ZSCAN25: variants seen among roughly 807,000 people sequenced by gnomAD.
ZSCAN25 encodes zinc finger and SCAN domain-containing protein 25.
In ZSCAN25, 27 loss-of-function variants were observed where a neutral mutation model predicts 38.7. The ratio of observed to expected loss-of-function variants is 0.70; its 90% CI spans 0.51 to 0.96. The LOEUF (loss-of-function observed/expected upper bound fraction) is 0.96. Among genes scored for constraint, ZSCAN25 ranks in the 40% least tolerant of loss-of-function variants. ZSCAN25 has a pLI of 0.00. For synonymous variants in ZSCAN25, 273 were observed against 277.7 expected (o/e 0.98, Z 0.17); for missense variants, 637 against 705.9 (o/e 0.90, Z 1.11).
chr7:99,696,967 C>T, the ZSCAN25 span, among the ~76,000 whole-genome samples: 1 of 152,188 alleles, frequency 6.6e-6, no homozygotes, highest in African/African-American at 2.4e-5. Flanking sequence ...TCTCCTTCAC[C>T]CTCTGCCATG....
At chr7:99,654,770 C>T in the ZSCAN25 span, among the ~76,000 whole-genome samples, 1 of 152,326 alleles carries the variant, frequency 6.6e-6, no homozygotes, top group East Asian at 1.9e-4. Flanking sequence ...TTAATGATCG[C>T]CATTCTAACT....
At chr7:99,705,484 G>A in the ZSCAN25 span, 3 of 1,612,790 alleles carry the variant, frequency 1.9e-6, no homozygotes, top group East Asian at 4.5e-5. Context: ...GAGCAAACCA[G>A]AAGTCCTTAG....
In ZSCAN25 at chr7:99,629,470, A is replaced by C; in HGVS notation, c.1085A>C (p.Asn362Thr). ...GGGAAAGGATTCAGTCGGAGCTCCA[A>C]TCTCGTCAGGCACCAGCGAACCCAC... ...ECGKGFSRSS[N>T]LVRHQRTHEE... The change falls in exon 8 of 8, where the codon AAT becomes ACT. Residue 362 changes from asparagine to threonine, a missense_variant. By Grantham distance (65) the Asn-to-Thr change is moderately conservative (BLOSUM62 0). Coordinates refer to ENST00000394152, the MANE Select transcript of ZSCAN25 (RefSeq NM_145115.3). The surrounding 1 kb of genome is among the most constrained non-coding windows in gnomAD (Gnocchi z 5.6). The C allele has an allele frequency of 6.2e-7, 1 of 1,614,164 alleles. No individual in the cohort carries two copies. The highest frequency in any genetic ancestry group is 8.5e-7 in the Non-Finnish European group (1 of 1,180,018).
chr7:99,708,904 G>T, the ZSCAN25 span: 2 of 1,086,692 alleles, frequency 1.8e-6, no homozygotes, highest in South Asian at 1.4e-5. Flanking sequence ...TCAATTTCAT[G>T]ATTTGAAAAA....
chr7:99,689,436 C>T, the ZSCAN25 span, among the ~76,000 whole-genome samples: 39 of 152,056 alleles, frequency 2.6e-4, no homozygotes, highest in African/African-American at 8.9e-4. Flanking sequence ...ATAAATTCCT[C>T]GACACATACA....
At chr7:99,660,972 G>A in the ZSCAN25 span, among the ~76,000 whole-genome samples, 1 of 152,186 alleles carries the variant, frequency 6.6e-6, no homozygotes, top group East Asian at 1.9e-4. Flanking sequence ...TGTTATGGGT[G>A]TGTGCCTTGA....
At chr7:99,647,578 A>C in the ZSCAN25 span, 1 of 985,180 alleles carries the variant, frequency 1.0e-6, no homozygotes, top group Non-Finnish European at 1.2e-6. Flanking sequence ...TAAAAATAAT[A>C]AATCATAACT....
the ZSCAN25 span, among the ~76,000 whole-genome samples, chr7:99,640,221 C>T: frequency 6.6e-6 from 1 of 152,164 alleles, no homozygotes; most frequent in East Asian, 1.9e-4. Flanking sequence ...TGCAATGGTG[C>T]GATCTTGGCT....
At chr7:99,722,040 C>T in the ZSCAN25 span, among the ~76,000 whole-genome samples, 1 of 152,190 alleles carries the variant, frequency 6.6e-6, no homozygotes, top group Admixed American at 6.5e-5. Context: ...TGAAGTCCTC[C>T]TCATATTTTC....
At chr7:99,658,215 G>T in the ZSCAN25 span, among the ~76,000 whole-genome samples, 3 of 152,256 alleles carry the variant, frequency 2.0e-5, no homozygotes, top group South Asian at 4.2e-4. Flanking sequence ...TGCAGTGGCT[G>T]GTACCAGTTG....
At chr7:99,637,818 C>T in the ZSCAN25 span, among the ~76,000 whole-genome samples, 23 of 152,012 alleles carry the variant, frequency 1.5e-4, no homozygotes, top group African/African-American at 5.3e-4. Context: ...AACAGACTTG[C>T]AACATAGTCT....
chr7:99,626,034 G>A (rs913561624), intron 7 of ZSCAN25, among the ~76,000 whole-genome samples: 2 of 152,226 alleles, frequency 1.3e-5, no homozygotes, highest in Non-Finnish European at 2.9e-5. Context: ...GGGCAGGGTT[G>A]AGCTAGGTGG....
At chr7:99,681,340 A>T in the ZSCAN25 span, among the ~76,000 whole-genome samples, 1 of 152,174 alleles carries the variant, frequency 6.6e-6, no homozygotes, top group African/African-American at 2.4e-5. Context: ...ATTTCTGGAT[A>T]TTGTGGTAGC....
At chr7:99,691,936 T>G in the ZSCAN25 span, among the ~76,000 whole-genome samples, 3 of 152,198 alleles carry the variant, frequency 2.0e-5, no homozygotes, top group African/African-American at 7.2e-5. Flanking sequence ...ATCCTGCAAT[T>G]ATGATGTTAG....
chr7:99,635,354 A>C (rs1808230669), downstream of ZSCAN25, among the ~76,000 whole-genome samples: 2 of 152,182 alleles, frequency 1.3e-5, no homozygotes, highest in Admixed American at 6.5e-5. Context: ...TAAATACAGA[A>C]ACTGATGCAA....
chr7:99,629,161 A>C lies in ZSCAN25; in HGVS notation c.806-30A>C, dbSNP rs781114261. The C allele has an allele frequency of 1.9e-6, 3 of 1,563,516 alleles. No individual in the cohort carries two copies. The highest frequency in any genetic ancestry group is 2.6e-6 in the Non-Finnish European group (3 of 1,156,776). On this transcript the variant is annotated intron_variant, in intron 7 of 7. Coordinates refer to ENST00000394152, the MANE Select transcript of ZSCAN25 (RefSeq NM_145115.3). This position sits in a 1 kb window ranked among gnomAD's most constrained non-coding sequence, Gnocchi z 5.6. The stretch of plus-strand genomic sequence containing the variant: ...TGTAAATGTCCTGCGGCTACCACAG[A>C]ATCAATCTTTATCTCCTCCTGTCCT...
the ZSCAN25 span, chr7:99,647,582 C>T: frequency 1.0e-6 from 1 of 984,992 alleles, no homozygotes; most frequent in South Asian, 4.7e-5. Flanking sequence ...AATAATAAAT[C>T]ATAACTAATA....
chr7:99,664,125 A>G, the ZSCAN25 span: 2 of 1,522,786 alleles, frequency 1.3e-6, no homozygotes, highest in South Asian at 2.5e-5. Flanking sequence ...AACAAAAGGA[A>G]ATCATTGAAA....
downstream of ZSCAN25, among the ~76,000 whole-genome samples, chr7:99,632,989 G>GTTGTTGTTTTTTTTTTTTTTTTTTT (rs1554412109): frequency 7.0e-5 from 9 of 128,560 alleles, no homozygotes; most frequent in African/African-American, 2.4e-4. Context: ...ATTTTCTGTT[G>GTTGTTGTTTTTTTTTTTTTTTTTTT]TTTTTTTTTT....
Sources: allele counts gnomAD v4.1 joint callset (sites outside exome capture counted in the v4.1 genomes callset), GRCh38; gene constraint gnomAD v4.1.1; non-coding constraint Gnocchi (gnomAD v3.1); transcripts MANE v1.5; gene names NCBI Gene and HGNC (gene_info 2026-07-23, HGNC 2026-07-21).